Variants in KDM2B observed in about 807,000 individuals in gnomAD.
The protein encoded by KDM2B is lysine-specific demethylase 2B.
Under a neutral mutation model 150.0 loss-of-function variants are expected in KDM2B, and 26 were observed. That is an observed-to-expected ratio of 0.17 (90% CI 0.13 to 0.24). The LOEUF is 0.24. Among genes scored for constraint, KDM2B ranks in the 10% least tolerant of loss-of-function variants. The pLI, the probability that KDM2B is intolerant of heterozygous loss-of-function variation, is 1.00. For synonymous variants in KDM2B, 734 were observed against 729.5 expected (o/e 1.01, Z -0.10); for missense variants, 1,265 against 1,816.9 (o/e 0.70, Z 5.52).
chr12:121,573,473 C>T (rs1891265902), intron 4 of KDM2B, among the ~76,000 whole-genome samples: 1 of 151,828 alleles, frequency 6.6e-6, no homozygotes, highest in African/African-American at 2.4e-5. Flanking sequence ...GAGGGTTTCA[C>T]CATGTTGCCC....
chr12:121,494,750 G>C, intron 11 of KDM2B, 85 bp from the exon 12 acceptor site: 1 of 1,004,674 alleles, frequency 1.0e-6, no homozygotes, highest in Non-Finnish European at 1.4e-6. Flanking sequence ...AGTCCAGCAA[G>C]GATCACACTC....
intron 12 of KDM2B, among the ~76,000 whole-genome samples, chr12:121,465,162 T>C (rs536083963): frequency 9.2e-5 from 14 of 152,336 alleles, no homozygotes; most frequent in African/African-American, 3.1e-4. Context: ...ACAATCGGCT[T>C]GACCAATGTG....
At chr12:121,554,213 G>A (rs1889734002) in intron 4 of KDM2B, among the ~76,000 whole-genome samples, 1 of 151,810 alleles carries the variant, frequency 6.6e-6, no homozygotes, top group African/African-American at 2.4e-5. Flanking sequence ...ACTCCAGCTT[G>A]GGCAACAGAG....
At chr12:121,501,387 A>C (rs1292651085) in intron 11 of KDM2B, among the ~76,000 whole-genome samples, 1 of 152,124 alleles carries the variant, frequency 6.6e-6, no homozygotes, top group African/African-American at 2.4e-5. Flanking sequence ...TGTCTTCAAA[A>C]AAATAAATAA....
chr12:121,548,801 C>T, intron 6 of KDM2B, 76 bp downstream of exon 6: 1 of 1,111,520 alleles, frequency 9.0e-7, no homozygotes. Context: ...GGCCAGGAGC[C>T]TCCTTCCCAC....
chr12:121,450,167 A>C (rs978019083), intron 13 of KDM2B, among the ~76,000 whole-genome samples: 9 of 152,056 alleles, frequency 5.9e-5, no homozygotes, highest in African/African-American at 2.2e-4. Flanking sequence ...TACAAAAATT[A>C]GCTGGGTGTG....
At chr12:121,437,518 G>A (rs1247623825) in intron 22 of KDM2B, among the ~76,000 whole-genome samples, 2 of 144,300 alleles carry the variant, frequency 1.4e-5, no homozygotes, top group Non-Finnish European at 3.1e-5. Context: ...GAAAAAAAAA[G>A]AAATTGCAGT....
chr12:121,527,641 G>A (rs1221484236), intron 8 of KDM2B, among the ~76,000 whole-genome samples: 5 of 131,810 alleles, frequency 3.8e-5, no homozygotes, highest in Non-Finnish European at 4.7e-5. Context: ...GTGACAGAGG[G>A]AGACTCCGTC....
chr12:121,478,361 CTT>C (rs34310054), intron 12 of KDM2B, among the ~76,000 whole-genome samples: 9 of 136,998 alleles, frequency 6.6e-5, no homozygotes, highest in Admixed American at 1.5e-4. Context: ...CAAGTAGATC[CTT>C]TTTTTTTTTT....
chr12:121,442,476 C>A lies in KDM2B; in HGVS notation c.2965G>T (p.Gly989Cys), dbSNP rs1192563302. The change falls in exon 19 of 23, where the codon GGC becomes TGC. Residue 989 changes from glycine (G) to cysteine (C), a missense_variant. Around this residue, in one of 11 missense-constraint regions of KDM2B, gnomAD observed 418 missense variants for 402.4 expected, o/e 1.04. Coordinates refer to ENST00000377071, the MANE Select transcript of KDM2B (RefSeq NM_032590.5). The surrounding 1 kb of genome is among the most constrained non-coding windows in gnomAD (Gnocchi z 7.7). ...SEGEEPKRPP[G>C]ICERPHRFSK... ...AAGCGGTGGGGACGCTCGCAGATGC[C>A]CGGGGGCCGCTTGGGCTCCTCGCCC... The A allele has an allele frequency of 6.3e-7, 1 of 1,599,430 alleles. No individual in the cohort carries two copies. Among genetic ancestry groups the A allele is most frequent in the Non-Finnish European group, 8.5e-7 (1 of 1,179,766 alleles).
chr12:121,551,842 C>T (rs553720502), intron 4 of KDM2B, among the ~76,000 whole-genome samples: 15 of 152,116 alleles, frequency 9.9e-5, no homozygotes, highest in Non-Finnish European at 1.9e-4. Context: ...TGTGAGCCAC[C>T]GCGCCCAGCA....
the KDM2B span, chr12:121,419,991 A>G: frequency 2.6e-6 from 1 of 381,914 alleles, no homozygotes; most frequent in African/African-American, 2.1e-5. Flanking sequence ...TGAGAGAGTT[A>G]ATACTCTGGT....
intron 6 of KDM2B, among the ~76,000 whole-genome samples, chr12:121,535,318 A>T (rs1888001183): frequency 6.6e-6 from 1 of 152,108 alleles, no homozygotes; most frequent in Non-Finnish European, 1.5e-5. Context: ...GCCCCAAAAG[A>T]CCAAGCGGTG....
chr12:121,551,735 T>G (rs1390630145), intron 4 of KDM2B, among the ~76,000 whole-genome samples: 2 of 152,050 alleles, frequency 1.3e-5, no homozygotes, highest in Non-Finnish European at 2.9e-5. Flanking sequence ...GTATTTTTAG[T>G]AGAGATGGAG....
Position 121,442,975 on chromosome 12 carries a change from G to A in KDM2B, c.2604+17C>T. ...ACCGCTCAGGCCTGGGGCACAGGAG[G>A]GAGGGGAAGATGGTACCTTTTTCCT... On this transcript the variant is annotated intron_variant, in intron 18 of 22. Transcript: ENST00000377071. The surrounding 1 kb of genome is among the most constrained non-coding windows in gnomAD (Gnocchi z 7.7). 2.5e-6 allele frequency: 4 copies of A among 1,613,024 alleles called. No individual in the cohort carries two copies. Among genetic ancestry groups the A allele is most frequent in the Non-Finnish European group, 3.4e-6 (4 of 1,179,540 alleles).
chr12:121,465,594 T>C (rs1555294606), intron 12 of KDM2B, among the ~76,000 whole-genome samples: 1 of 152,134 alleles, frequency 6.6e-6, no homozygotes, highest in African/African-American at 2.4e-5. Context: ...AACATGTTTT[T>C]AAGCCCAGAG....
At chr12:121,427,674 A>C (rs529890361), downstream of KDM2B, among the ~76,000 whole-genome samples, 3 of 152,186 alleles carry the variant, frequency 2.0e-5, no homozygotes, top group Non-Finnish European at 2.9e-5. Context: ...GAAACTACAG[A>C]TCTGCTGTGT....
At chr12:121,548,740 A>G in intron 6 of KDM2B, 137 bp downstream of exon 6, 1 of 667,480 alleles carries the variant, frequency 1.5e-6, no homozygotes, top group Non-Finnish European at 2.7e-6. Flanking sequence ...CCACAGGCAC[A>G]GTCCTTCAGT....
rs1891719841 is a variant in KDM2B at position 121,578,922 on chromosome 12, C to T, written c.151G>A (p.Asp51Asn). Reference protein sequence around the residue: ...TQRPIDRQRYDENEDLSDVEE... With the variant: ...TQRPIDRQRYNENEDLSDVEE... ...ACGTCCGACAAGTCCTCGTTCTCGT[C>T]GTATCGCTGGCGGTCAATCGGGCGC... The change falls in exon 2 of 23, where the codon GAC (aspartate) becomes AAC (asparagine). Residue 51 changes from aspartate to asparagine, a missense_variant. Physicochemically the swap from Asp to Asn is conservative, Grantham distance 23 (BLOSUM62 1). This residue lies in a region of KDM2B where 214 missense variants were observed against 447.4 expected (regional missense o/e 0.48). Transcript: ENST00000377071. 3 of 1,612,802 alleles carry T rather than the reference C, an allele frequency of 1.9e-6. No individual in the cohort carries two copies. Among genetic ancestry groups the T allele is most frequent in the Non-Finnish European group, 1.7e-6 (2 of 1,179,608 alleles).
Sources: gnomAD v4.1 joint callset for allele counts (sites outside exome capture counted in the v4.1 genomes callset) on GRCh38, gnomAD v4.1.1 for gene constraint, gnomAD v4.1.1 regional missense constraint, Gnocchi (gnomAD v3.1) non-coding constraint, MANE v1.5 for transcripts, NCBI Gene and HGNC (gene_info 2026-07-23, HGNC 2026-07-21) for gene names.